RAB38: variants seen among roughly 807,000 people sequenced by gnomAD.
RAB38 encodes ras-related protein Rab-38.
Under a neutral mutation model 18.4 loss-of-function variants are expected in RAB38, and 15 were observed. The observed-to-expected ratio is 0.82, with a 90% CI of 0.55 to 1.26. The LOEUF (loss-of-function observed/expected upper bound fraction) is 1.26, where lower values mean the gene tolerates loss of function less well. Among genes scored for constraint, RAB38 ranks in the 50% most tolerant of loss-of-function variants. The pLI, the probability that RAB38 is intolerant of heterozygous loss-of-function variation, is 0.00. For missense variants in RAB38, 294 were observed against 267.4 expected (o/e 1.10, Z -0.69); for synonymous variants, 101 against 104.4 (o/e 0.97, Z 0.20).
At chr11:88,028,431 G>A in the RAB38 span, among the ~76,000 whole-genome samples, 772 of 152,218 alleles carry the variant, frequency 5.1e-3, 16 homozygotes, top group East Asian at 0.082. Context: ...AAACTACTCC[G>A]AGCTACAGGA....
chr11:88,137,945 A>C (rs1458421254), intron 2 of RAB38, among the ~76,000 whole-genome samples: 6 of 152,246 alleles, frequency 3.9e-5, no homozygotes, highest in African/African-American at 1.4e-4. Context: ...ATCTATACCC[A>C]TCTAGAGAGT....
At chr11:88,022,622 A>AAAAAAC in the RAB38 span, among the ~76,000 whole-genome samples, 2 of 148,960 alleles carry the variant, frequency 1.3e-5, no homozygotes, top group East Asian at 3.9e-4. Context: ...AAAAAAAAAA[A>AAAAAAC]AAAAAAAAAA....
At chr11:88,096,766 G>A in the RAB38 span, among the ~76,000 whole-genome samples, 1 of 151,540 alleles carries the variant, frequency 6.6e-6, no homozygotes, top group African/African-American at 2.4e-5. Context: ...TCTATTTGTG[G>A]TAAGAATGCA....
chr11:88,132,949 T>C (rs1187003427), intron 2 of RAB38, among the ~76,000 whole-genome samples: 1 of 152,228 alleles, frequency 6.6e-6, no homozygotes, highest in Admixed American at 6.5e-5. Flanking sequence ...GATTTTTAGT[T>C]GACCGTAAGT....
At chr11:87,881,158 G>A in the RAB38 span, among the ~76,000 whole-genome samples, 1 of 151,770 alleles carries the variant, frequency 6.6e-6, no homozygotes, top group Non-Finnish European at 1.5e-5. Flanking sequence ...TTGCTTTGTT[G>A]TAATAGCATC....
At chr11:88,035,618 C>A in the RAB38 span, among the ~76,000 whole-genome samples, 1 of 152,162 alleles carries the variant, frequency 6.6e-6, no homozygotes, top group Non-Finnish European at 1.5e-5. Context: ...AGACATAGAC[C>A]AGAAATCTAA....
In RAB38 at chr11:88,143,771, C is replaced by A. The variant is rs180859016; in HGVS notation, c.483+5904G>T. On this transcript the variant is annotated intron_variant, in intron 2 of 2. Transcript: ENST00000243662. ...ACCATGCAGAATAGAATGACATATG[C>A]AACACCCTGCCTTCTACAAACTGAA... Among the ~76,000 whole-genome samples the A allele has an allele frequency of 1.3e-3, 202 of 152,322 alleles. 1 individual carries two copies. The highest frequency in any genetic ancestry group is 4.6e-3 in the African/African-American group (191 of 41,576).
chr11:87,977,489 T>G, the RAB38 span, among the ~76,000 whole-genome samples: 1 of 75,240 alleles, frequency 1.3e-5, no homozygotes, highest in Admixed American at 1.5e-4. Context: ...TAATTATATA[T>G]AATATAATTT....
intron 2 of RAB38, among the ~76,000 whole-genome samples, chr11:88,138,653 T>G (rs1942863871): frequency 6.6e-6 from 1 of 152,158 alleles, no homozygotes; most frequent in South Asian, 2.1e-4. Context: ...TTCCTTAATA[T>G]ATAATATGGG....
chr11:88,071,549 G>A, the RAB38 span, among the ~76,000 whole-genome samples: 4 of 152,110 alleles, frequency 2.6e-5, no homozygotes, highest in Non-Finnish European at 5.9e-5. Flanking sequence ...ACAAATTAAA[G>A]GCAATGTTTT....
the RAB38 span, among the ~76,000 whole-genome samples, chr11:88,050,669 A>G: frequency 4.8e-3 from 737 of 152,332 alleles, 4 homozygotes; most frequent in African/African-American, 0.017. Flanking sequence ...CTTTTTTGTC[A>G]GTCTTTCATC....
At chr11:88,122,498 C>A (rs1016184850) in intron 2 of RAB38, among the ~76,000 whole-genome samples, 1 of 152,132 alleles carries the variant, frequency 6.6e-6, no homozygotes, top group African/African-American at 2.4e-5. Flanking sequence ...GATAAATGGT[C>A]AACCAGACAC....
the RAB38 span, among the ~76,000 whole-genome samples, chr11:88,097,434 C>T: frequency 0.11 from 16,622 of 151,738 alleles, 1,390 homozygotes; most frequent in East Asian, 0.4. Flanking sequence ...GTGAGTAATA[C>T]CTGTGCGTAG....
the RAB38 span, among the ~76,000 whole-genome samples, chr11:87,968,493 A>T: frequency 2.6e-5 from 4 of 152,162 alleles, no homozygotes; most frequent in African/African-American, 9.7e-5. Context: ...TGTATGCCAT[A>T]AACATCTTTC....
intron 1 of RAB38, among the ~76,000 whole-genome samples, chr11:88,152,057 T>C (rs1260799025): frequency 6.6e-6 from 1 of 152,202 alleles, no homozygotes; most frequent in African/African-American, 2.4e-5. Context: ...CAAATAAGTT[T>C]TAAATTTCTT....
chr11:87,958,982 G>A, the RAB38 span, among the ~76,000 whole-genome samples: 3 of 152,132 alleles, frequency 2.0e-5, no homozygotes, highest in African/African-American at 7.2e-5. Flanking sequence ...TTCTGCCCTA[G>A]AGAATATAAT....
the RAB38 span, among the ~76,000 whole-genome samples, chr11:87,941,124 C>T: frequency 8.8e-5 from 13 of 148,134 alleles, no homozygotes; most frequent in Admixed American, 1.4e-4. Context: ...GTATATTAGA[C>T]GCTAATTATT....
At chr11:88,085,533 A>T in the RAB38 span, among the ~76,000 whole-genome samples, 4 of 151,980 alleles carry the variant, frequency 2.6e-5, no homozygotes, top group African/African-American at 9.7e-5. Flanking sequence ...GAGACTAAAT[A>T]TTATGATATG....
chr11:87,887,981 A>G, the RAB38 span, among the ~76,000 whole-genome samples: 126 of 152,028 alleles, frequency 8.3e-4, 3 homozygotes, highest in Admixed American at 8.3e-3. Flanking sequence ...TTAGTGATGC[A>G]GCATTTCTGA....
Sources: allele counts gnomAD v4.1 joint callset (sites outside exome capture counted in the v4.1 genomes callset), GRCh38; gene constraint gnomAD v4.1.1; transcripts MANE v1.5; gene names NCBI Gene and HGNC (gene_info 2026-07-23, HGNC 2026-07-21).